The following TMTC4 variants were observed in gnomAD, a reference collection of about 807,000 sequenced individuals.
TMTC4 encodes transmembrane O-mannosyltransferase targeting cadherins 4, also known as protein O-mannosyl-transferase TMTC4.
TMTC4 carries 65 observed loss-of-function variants against 86.0 expected under a neutral mutation model. The ratio of observed to expected loss-of-function variants is 0.76; its 90% CI spans 0.62 to 0.93. The LOEUF is 0.93. TMTC4 is among the 40% of genes least tolerant of loss of function. The pLI is 0.00. For synonymous variants in TMTC4, 379 were observed against 382.5 expected, an observed-to-expected ratio of 0.99 and a Z score of 0.11; for missense variants, 866 against 948.1, an observed-to-expected ratio of 0.91 and a Z score of 1.14.
intron 12 of TMTC4, among the ~76,000 whole-genome samples, chr13:100,634,483 T>C (rs1262624111): frequency 6.6e-6 from 1 of 152,064 alleles, no homozygotes; most frequent in East Asian, 1.9e-4. Flanking sequence ...CCACCCTCAG[T>C]CTGAATACGC....
In TMTC4 at chr13:100,659,416, C is replaced by T. The variant is rs150916730; in HGVS notation, c.553-2948G>A. On this transcript the variant is annotated intron_variant, in intron 5 of 18. Coordinates refer to ENST00000342624, the MANE Select transcript of TMTC4 (RefSeq NM_032813.5). The stretch of plus-strand genomic sequence containing the variant: ...CCAAGTAGCTGGGACTCCAGGCATG[C>T]GCCACCACACCTGGCTACAGGCAGA... 2.6e-3 allele frequency among the ~76,000 whole-genome samples: 396 copies of T among 152,276 alleles called. 3 individuals carry two copies. Among genetic ancestry groups the T allele is most frequent in the African/African-American group, 7.8e-3 (323 of 41,554 alleles).
chr13:100,632,397 T>A (rs1301727769), intron 12 of TMTC4, among the ~76,000 whole-genome samples: 11 of 152,288 alleles, frequency 7.2e-5, no homozygotes, highest in African/African-American at 2.6e-4. Flanking sequence ...TAGAGATGAA[T>A]TATAGAGCCT....
chr13:100,637,080 G>C (rs1882333317), intron 9 of TMTC4, among the ~76,000 whole-genome samples: 1 of 152,088 alleles, frequency 6.6e-6, no homozygotes, highest in Admixed American at 6.5e-5. Flanking sequence ...AGGCTTCGAT[G>C]GCTGTTCTCT....
intron 10 of TMTC4, among the ~76,000 whole-genome samples, 176 bp downstream of exon 10, chr13:100,636,356 C>T (rs371005922): frequency 1.2e-4 from 19 of 152,348 alleles, no homozygotes; most frequent in South Asian, 4.1e-4. Context: ...TCCCCACCCG[C>T]GGAAGCCAGC....
At chr13:100,653,589 C>T (rs1441864205) in intron 6 of TMTC4, among the ~76,000 whole-genome samples, 1 of 152,122 alleles carries the variant, frequency 6.6e-6, no homozygotes, top group Non-Finnish European at 1.5e-5. Flanking sequence ...TGTCTAAGGC[C>T]CTCTCTCAAG....
rs557752813 is a variant in TMTC4 at position 100,609,235 on chromosome 13, C to T, written c.2065-2808G>A. ...AAGCTAAGAGAGCTCAGAGCCTTGG[C>T]CAGCAATAGTATCTAGCTGGGATTT... is the stretch of plus-strand genomic sequence containing the variant. On this transcript the variant is annotated intron_variant, in intron 17 of 18. Coordinates refer to ENST00000342624, the MANE Select transcript of TMTC4 (RefSeq NM_032813.5). Among the ~76,000 whole-genome samples the T allele has an allele frequency of 2.6e-5, 4 of 152,228 alleles. No homozygotes were observed. The East Asian group carries it at 7.7e-4, about 29-fold the overall frequency.
intron 5 of TMTC4, among the ~76,000 whole-genome samples, chr13:100,656,859 A>G (rs1224376700): frequency 6.6e-6 from 1 of 152,122 alleles, no homozygotes; most frequent in Non-Finnish European, 1.5e-5. Context: ...CAAATTCTTT[A>G]GACATATAAA....
chr13:100,639,655 G>A (rs917477088), intron 7 of TMTC4, among the ~76,000 whole-genome samples: 3 of 152,090 alleles, frequency 2.0e-5, no homozygotes, highest in Non-Finnish European at 4.4e-5. Flanking sequence ...ACGGCACAGA[G>A]GAGGCCTGGC....
In TMTC4 at chr13:100,612,428, T is replaced by G; in HGVS notation, c.2034A>C (p.Ala678=). ...PNDHSLMFSL[A]NVLGKSQKYK... ...ATTTCTGGGATTTCCCCAGCACGTT[T>G]GCCAACGAGAACATGAGAGAGTGAT... is the stretch of plus-strand genomic sequence containing the variant. The change falls in exon 17 of 19, where the codon GCA becomes GCC. Residue 678 remains alanine (A), a synonymous_variant. Coordinates refer to ENST00000342624, the MANE Select transcript of TMTC4 (RefSeq NM_032813.5). The G allele has an allele frequency of 6.2e-7, 1 of 1,610,370 alleles. No homozygotes were observed. The highest frequency in any genetic ancestry group is 8.5e-7 in the Non-Finnish European group (1 of 1,178,870).
intron 15 of TMTC4, among the ~76,000 whole-genome samples, chr13:100,617,310 G>GTTTT (rs1878664301): frequency 6.6e-6 from 1 of 151,866 alleles, no homozygotes; most frequent in Admixed American, 6.6e-5. Context: ...AATTTTTTTG[G>GTTTT]ATTTTTTGTA....
At chr13:100,664,117 T>C (rs1165067800) in intron 4 of TMTC4, 104 bp downstream of exon 4, 20 of 987,288 alleles carry the variant, frequency 2.0e-5, no homozygotes, top group Non-Finnish European at 2.5e-5. Context: ...CTGGAGCCAC[T>C]GACTAGACTC....
chr13:100,616,554 A>G (rs1157998354), intron 15 of TMTC4, among the ~76,000 whole-genome samples: 1 of 152,128 alleles, frequency 6.6e-6, no homozygotes, highest in African/African-American at 2.4e-5. Context: ...CAGTCATGAG[A>G]TTGCTGGGCC....
intron 12 of TMTC4, among the ~76,000 whole-genome samples, chr13:100,628,286 T>C (rs745680203): frequency 6.6e-6 from 1 of 152,236 alleles, no homozygotes; most frequent in Non-Finnish European, 1.5e-5. Context: ...GTAAGTGGAA[T>C]TGTACAGGAT....
At chr13:100,626,472 T>C (rs557986514) in intron 12 of TMTC4, among the ~76,000 whole-genome samples, 1 of 152,296 alleles carries the variant, frequency 6.6e-6, no homozygotes, top group Admixed American at 6.5e-5. Flanking sequence ...TTTTTAGAGA[T>C]GGGGTCTTGC....
chr13:100,675,067 C>G (rs541106054), upstream of TMTC4: 1 of 985,696 alleles, frequency 1.0e-6, no homozygotes, highest in Non-Finnish European at 1.2e-6. Flanking sequence ...GACAGACGGA[C>G]CCGGCGGGAG....
At chr13:100,667,358 G>A (rs1886511452) in intron 3 of TMTC4, among the ~76,000 whole-genome samples, 1 of 151,874 alleles carries the variant, frequency 6.6e-6, no homozygotes, top group Non-Finnish European at 1.5e-5. Context: ...GAACCCCGGA[G>A]GCAGAGGTTG....
chr13:100,664,278 C>G lies in TMTC4; in HGVS notation c.278G>C (p.Arg93Thr), dbSNP rs1594374029. 4.3e-6 allele frequency: 7 copies of G among 1,612,690 alleles called. 1 individual carries two copies. In the African/African-American group the frequency reaches 5.3e-5, roughly 12 times the overall value. Residue 93 changes from arginine (R) to threonine (T), a missense_variant, in exon 4 of 19, where the codon AGA (arginine) becomes ACA (threonine). Coordinates refer to ENST00000342624, the MANE Select transcript of TMTC4 (RefSeq NM_032813.5). ...DLWHHDFWGS[R>T]LSSNTSHKSY... ...CTTGTGGCTGGTGTTGCTGCTCAGT[C>G]TACTGCCCCAGAAGTCATGATGCCA...
chr13:100,674,513 G>C, intron 1 of TMTC4: 1 of 973,654 alleles, frequency 1.0e-6, no homozygotes, highest in African/African-American at 1.8e-5. Context: ...CAGCCTCCAC[G>C]CCGCGCCCTT....
intron 5 of TMTC4, among the ~76,000 whole-genome samples, chr13:100,656,901 A>G (rs1467571480): frequency 6.6e-6 from 1 of 152,128 alleles, no homozygotes; most frequent in Non-Finnish European, 1.5e-5. Flanking sequence ...GCCACCTATT[A>G]AAATAAATAC....
Sources: allele counts gnomAD v4.1 joint callset (sites outside exome capture counted in the v4.1 genomes callset), GRCh38; gene constraint gnomAD v4.1.1; transcripts MANE v1.5; gene names NCBI Gene and HGNC (gene_info 2026-07-23, HGNC 2026-07-21).